Variants in AKAP19 observed in about 807,000 individuals in gnomAD.
The protein encoded by AKAP19 is A-kinase anchoring protein 19.
the AKAP19 span, among the ~76,000 whole-genome samples, chr2:190,061,742 TGA>T: frequency 6.6e-6 from 1 of 152,030 alleles, no homozygotes. Context: ...AAAAAATTAC[TGA>T]GAGAGTTTCA....
At chr2:190,155,932 T>C in the AKAP19 span, among the ~76,000 whole-genome samples, 2 of 152,064 alleles carry the variant, frequency 1.3e-5, no homozygotes, top group Admixed American at 1.3e-4. Context: ...ACATGAATGC[T>C]CCCCCAAATC....
chr2:190,080,522 C>T, the AKAP19 span, among the ~76,000 whole-genome samples: 2 of 152,194 alleles, frequency 1.3e-5, no homozygotes, highest in Non-Finnish European at 2.9e-5. Flanking sequence ...ATGAGGTGAT[C>T]TCTATATAAA....
At chr2:190,034,906 G>GTAA in the AKAP19 span, among the ~76,000 whole-genome samples, 6 of 141,024 alleles carry the variant, frequency 4.3e-5, no homozygotes, top group South Asian at 1.4e-3. Flanking sequence ...TTATGGAAAA[G>GTAA]TTTTAAAGTA....
At chr2:189,951,494 C>T in the AKAP19 span, among the ~76,000 whole-genome samples, 4 of 152,232 alleles carry the variant, frequency 2.6e-5, no homozygotes, top group South Asian at 4.1e-4. Flanking sequence ...TAAGCCACTG[C>T]GCCCAGCTGA....
chr2:189,969,205 T>C, the AKAP19 span, among the ~76,000 whole-genome samples: 1 of 152,138 alleles, frequency 6.6e-6, no homozygotes, highest in Non-Finnish European at 1.5e-5. Flanking sequence ...GAGTAGGTCC[T>C]TTGGGAGGTG....
chr2:189,980,124 A>T, the AKAP19 span, among the ~76,000 whole-genome samples: 1 of 152,172 alleles, frequency 6.6e-6, no homozygotes, highest in Admixed American at 6.5e-5. Flanking sequence ...TCTGTTTATC[A>T]CAGCATTATT....
chr2:190,061,229 CTGTT>C, the AKAP19 span, among the ~76,000 whole-genome samples: 1 of 151,964 alleles, frequency 6.6e-6, no homozygotes, highest in Non-Finnish European at 1.5e-5. Context: ...TATTTTAAAA[CTGTT>C]TGGAGTCTTG....
chr2:190,162,190 G>C, the AKAP19 span, among the ~76,000 whole-genome samples: 3 of 151,926 alleles, frequency 2.0e-5, no homozygotes, highest in Non-Finnish European at 2.9e-5. Context: ...GATTAATTAG[G>C]ATAGCTTATA....
At chr2:189,956,789 T>G in the AKAP19 span, among the ~76,000 whole-genome samples, 1 of 152,018 alleles carries the variant, frequency 6.6e-6, no homozygotes, top group Non-Finnish European at 1.5e-5. Flanking sequence ...CACTATGTGG[T>G]CCAGGCTGGT....
the AKAP19 span, among the ~76,000 whole-genome samples, chr2:189,991,972 A>T: frequency 6.6e-6 from 1 of 151,598 alleles, no homozygotes; most frequent in East Asian, 1.9e-4. Context: ...CCCAGTTTAT[A>T]TTTTTATTTG....
the AKAP19 span, among the ~76,000 whole-genome samples, chr2:189,977,103 T>C: frequency 6.6e-6 from 1 of 152,226 alleles, no homozygotes; most frequent in South Asian, 2.1e-4. Context: ...CTGTTCCTAT[T>C]TGGCCATCTT....
At chr2:190,198,190 T>C in the AKAP19 span, among the ~76,000 whole-genome samples, 2 of 151,578 alleles carry the variant, frequency 1.3e-5, no homozygotes, top group Admixed American at 1.3e-4. Flanking sequence ...ATATCACTCT[T>C]ATTAGGGGTA....
chr2:190,038,884 C>CT, the AKAP19 span, among the ~76,000 whole-genome samples: 2 of 37,322 alleles, frequency 5.4e-5, no homozygotes, highest in African/African-American at 1.6e-4. Flanking sequence ...CTCCCTCTTT[C>CT]TTTCTTTCTT....
chr2:190,039,305 C>A, the AKAP19 span, among the ~76,000 whole-genome samples: 5 of 152,246 alleles, frequency 3.3e-5, no homozygotes, highest in South Asian at 1.0e-3. Flanking sequence ...TCTCAAACTC[C>A]TGACCTCAGG....
the AKAP19 span, among the ~76,000 whole-genome samples, chr2:189,900,141 TAAAAC>T: frequency 7.2e-5 from 11 of 152,370 alleles, 1 homozygote; most frequent in African/African-American, 2.6e-4. Context: ...GCTAACAACT[TAAAAC>T]AGTATTGAAT....
chr2:190,036,610 A>G, the AKAP19 span, among the ~76,000 whole-genome samples: 1 of 149,392 alleles, frequency 6.7e-6, no homozygotes, highest in African/African-American at 2.5e-5. Flanking sequence ...TTTTTTTTTC[A>G]TTAGAATTTT....
the AKAP19 span, among the ~76,000 whole-genome samples, chr2:190,143,463 GTTAA>G: frequency 6.6e-6 from 1 of 152,144 alleles, no homozygotes; most frequent in Non-Finnish European, 1.5e-5. Context: ...AATGAAAGTA[GTTAA>G]TCACATTACA....
chr2:190,119,140 G>T, the AKAP19 span, among the ~76,000 whole-genome samples: 1 of 152,160 alleles, frequency 6.6e-6, no homozygotes. Flanking sequence ...AGAACACCAG[G>T]GTTCTTGGTC....
At chr2:190,105,071 C>T in the AKAP19 span, among the ~76,000 whole-genome samples, 1 of 152,176 alleles carries the variant, frequency 6.6e-6, no homozygotes, top group Non-Finnish European at 1.5e-5. Context: ...CTGTGGAAAA[C>T]AGTTCGGAGA....
Sources: allele counts gnomAD v4.1 joint callset (sites outside exome capture counted in the v4.1 genomes callset), GRCh38; gene constraint gnomAD v4.1.1; transcripts MANE v1.5; gene names NCBI Gene and HGNC (gene_info 2026-07-23, HGNC 2026-07-21).